LSAMP: variants seen among roughly 807,000 people sequenced by gnomAD.
LSAMP encodes the protein limbic system-associated membrane protein.
In LSAMP, 7 loss-of-function variants were observed where a neutral mutation model predicts 38.6. The ratio of observed to expected loss-of-function variants is 0.18; its 90% CI spans 0.10 to 0.34. The LOEUF is 0.34. Ranked by LOEUF, LSAMP falls within the 10% of genes least tolerant of loss-of-function variation. The probability of loss-of-function intolerance (pLI) is 1.00; values close to 1 mark genes in which losing one functional copy is unlikely to be tolerated. For synonymous variants in LSAMP, 154 were observed against 166.8 expected (o/e 0.92, Z 0.59); for missense variants, 313 against 420.0 (o/e 0.75, Z 2.23).
At chr3:116,354,800 T>G (rs1047516953) in intron 1 of LSAMP, among the ~76,000 whole-genome samples, 1 of 151,886 alleles carries the variant, frequency 6.6e-6, no homozygotes, top group Non-Finnish European at 1.5e-5. Context: ...TCAAAGACTT[T>G]AAAACTACAT....
intron 1 of LSAMP, among the ~76,000 whole-genome samples, chr3:116,237,163 CT>C (rs1211661995): frequency 6.6e-6 from 1 of 152,082 alleles, no homozygotes; most frequent in Non-Finnish European, 1.5e-5. Flanking sequence ...ATAAAATCCA[CT>C]TTCTACTCTC....
At chr3:116,018,233 T>C (rs1246049510) in intron 3 of LSAMP, among the ~76,000 whole-genome samples, 2 of 152,092 alleles carry the variant, frequency 1.3e-5, no homozygotes, top group Admixed American at 6.6e-5. Flanking sequence ...TTAATAAGAA[T>C]ACCCGCCTAA....
intron 3 of LSAMP, among the ~76,000 whole-genome samples, chr3:115,918,707 G>GTTTTT (rs11391475): frequency 7.4e-6 from 1 of 135,230 alleles, no homozygotes; most frequent in African/African-American, 2.8e-5. Flanking sequence ...TAAAGAACAG[G>GTTTTT]TTTTTTTTTT....
intron 2 of LSAMP, among the ~76,000 whole-genome samples, chr3:116,053,456 T>A (rs564041768): frequency 1.6e-4 from 24 of 152,246 alleles, no homozygotes; most frequent in African/African-American, 5.5e-4. Flanking sequence ...AAAAGAGTTT[T>A]GAGGAAGGAA....
intron 1 of LSAMP, among the ~76,000 whole-genome samples, chr3:116,247,167 A>G (rs914518392): frequency 1.3e-5 from 2 of 152,210 alleles, no homozygotes; most frequent in African/African-American, 4.8e-5. Flanking sequence ...AAGTAATGTG[A>G]AAGTTGGGAG....
At chr3:115,960,225 G>A (rs940485401) in intron 3 of LSAMP, among the ~76,000 whole-genome samples, 3 of 152,122 alleles carry the variant, frequency 2.0e-5, no homozygotes, top group Non-Finnish European at 4.4e-5. Context: ...TTTCCTTATA[G>A]AAAGAGGAGG....
chr3:116,423,065 A>G (rs2049150099), intron 1 of LSAMP, among the ~76,000 whole-genome samples: 1 of 152,236 alleles, frequency 6.6e-6, no homozygotes, highest in Non-Finnish European at 1.5e-5. Context: ...TGCCTGGCAC[A>G]AAGACATGGT....
At chr3:115,841,444 C>T (rs1934992454) in intron 6 of LSAMP, 1 of 155,650 alleles carries the variant, frequency 6.4e-6, no homozygotes, top group Admixed American at 6.4e-5. Context: ...ATTTCTTCCT[C>T]AATCACTCTT....
At chr3:116,014,776 G>T (rs1294225028) in intron 3 of LSAMP, among the ~76,000 whole-genome samples, 3 of 152,184 alleles carry the variant, frequency 2.0e-5, no homozygotes, top group Admixed American at 2.0e-4. Context: ...TGAAGGACCG[G>T]ATGTTACTTG....
intron 3 of LSAMP, among the ~76,000 whole-genome samples, chr3:115,866,612 A>G (rs1354697609): frequency 3.3e-5 from 5 of 152,074 alleles, no homozygotes; most frequent in African/African-American, 7.2e-5. Context: ...TAATCTGTAA[A>G]TAGATGAGAA....
chr3:116,209,489 T>G (rs1379659229), intron 1 of LSAMP, among the ~76,000 whole-genome samples: 2 of 152,124 alleles, frequency 1.3e-5, no homozygotes, highest in Non-Finnish European at 2.9e-5. Flanking sequence ...CCTATGCATA[T>G]AGTTTTCCAG....
chr3:116,383,874 G>A (rs764162005), intron 1 of LSAMP, among the ~76,000 whole-genome samples: 3 of 152,050 alleles, frequency 2.0e-5, no homozygotes, highest in African/African-American at 7.2e-5. Context: ...AACATTAGCA[G>A]GGCATTAGTG....
chr3:115,864,285 T>A (rs1253239239), intron 3 of LSAMP, among the ~76,000 whole-genome samples: 1 of 152,202 alleles, frequency 6.6e-6, no homozygotes, highest in Non-Finnish European at 1.5e-5. Flanking sequence ...TTGATCCTTG[T>A]TACTGGCAGT....
At chr3:116,290,318 TA>T (rs1228928444) in intron 1 of LSAMP, among the ~76,000 whole-genome samples, 5 of 152,210 alleles carry the variant, frequency 3.3e-5, no homozygotes, top group African/African-American at 1.2e-4. Context: ...GGGAAAATAT[TA>T]AATTTCACTC....
intron 1 of LSAMP, among the ~76,000 whole-genome samples, chr3:116,113,895 A>G (rs1576371448): frequency 6.6e-6 from 1 of 152,328 alleles, no homozygotes; most frequent in East Asian, 1.9e-4. Context: ...TGCAAGCTAC[A>G]AAGAGCAATG....
intron 1 of LSAMP, among the ~76,000 whole-genome samples, chr3:116,213,464 T>C (rs1298872507): frequency 2.0e-5 from 3 of 152,236 alleles, no homozygotes; most frequent in Non-Finnish European, 2.9e-5. Context: ...CCATGTGGAA[T>C]TGTAAGTCCA....
At chr3:116,001,466 T>C (rs1939992084) in intron 3 of LSAMP, among the ~76,000 whole-genome samples, 1 of 152,228 alleles carries the variant, frequency 6.6e-6, no homozygotes, top group African/African-American at 2.4e-5. Context: ...GGGAAACTGC[T>C]TGTGTTAGTT....
At chr3:116,356,673 T>C (rs2048227064) in intron 1 of LSAMP, among the ~76,000 whole-genome samples, 1 of 152,254 alleles carries the variant, frequency 6.6e-6, no homozygotes, top group Non-Finnish European at 1.5e-5. Flanking sequence ...TAACATCATA[T>C]GCCTGTAAAA....
At chr3:116,443,773 G>A (rs980261336) in intron 1 of LSAMP, among the ~76,000 whole-genome samples, 1 of 152,176 alleles carries the variant, frequency 6.6e-6, no homozygotes, top group African/African-American at 2.4e-5. Context: ...TGGAGGAAAT[G>A]AGATTTTTAA....
Sources: gnomAD v4.1 joint callset for allele counts (sites outside exome capture counted in the v4.1 genomes callset) on GRCh38, gnomAD v4.1.1 for gene constraint, MANE v1.5 for transcripts, NCBI Gene and HGNC (gene_info 2026-07-23, HGNC 2026-07-21) for gene names.